The following UBE2D2 variants were observed in gnomAD, a reference collection of about 807,000 sequenced individuals.
The protein encoded by UBE2D2 is ubiquitin-conjugating enzyme E2 D2.
UBE2D2 carries 2 observed loss-of-function variants against 24.2 expected under a neutral mutation model. The observed-to-expected ratio is 0.08, with a 90% CI of 0.03 to 0.26. The LOEUF is 0.26. Among genes scored for constraint, UBE2D2 ranks in the 10% least tolerant of loss-of-function variants. UBE2D2 has a pLI of 1.00. For synonymous variants in UBE2D2, 58 were observed against 56.5 expected, an observed-to-expected ratio of 1.03 and a Z score of -0.12; for missense variants, 44 against 177.6, an observed-to-expected ratio of 0.25 and a Z score of 4.28.
At chr5:139,534,520 C>G (rs1046380252) in intron 1 of UBE2D2, among the ~76,000 whole-genome samples, 13 of 150,298 alleles carry the variant, frequency 8.6e-5, no homozygotes, top group South Asian at 2.1e-4. Context: ...GAGCCGAGAT[C>G]GCGCCACTGC....
intron 1 of UBE2D2, among the ~76,000 whole-genome samples, chr5:139,535,294 A>AG (rs1752654021): frequency 1.3e-5 from 2 of 150,986 alleles, no homozygotes; most frequent in Admixed American, 6.6e-5. Context: ...AAAATACAAA[A>AG]AAAAAAAAAA....
rs869189901 is a variant in UBE2D2 at position 139,577,404 on chromosome 5, CTTTTTTT to C, written c.24+15608_24+15614del. Among the ~76,000 whole-genome samples the C allele has an allele frequency of 8.5e-4, 59 of 69,142 alleles. No homozygotes were observed. In the South Asian group the frequency reaches 0.011, roughly 13 times the overall value. 45.4% of individuals were successfully genotyped at this position (69,142 alleles called of 152,430 possible). A position where few individuals can be genotyped will look rare whatever the true frequency, so the allele number is the denominator to read the frequency against. On this transcript the variant is annotated intron_variant, in intron 1 of 6. Transcript: ENST00000398733. ...AAACAGGATGCCAGTTAGCATCTCT[CTTTTTTT>C]TTTTTTTTTTTTTTTTTTGAGATGG... is the stretch of plus-strand genomic sequence containing the variant.
At chr5:139,579,263 T>G (rs963772476) in intron 1 of UBE2D2, among the ~76,000 whole-genome samples, 2 of 152,246 alleles carry the variant, frequency 1.3e-5, no homozygotes, top group African/African-American at 4.8e-5. Flanking sequence ...TTCTCCTGCC[T>G]CAGCATCTTG....
intron 5 of UBE2D2, among the ~76,000 whole-genome samples, chr5:139,615,265 A>G (rs1441112796): frequency 6.6e-6 from 1 of 152,190 alleles, no homozygotes; most frequent in East Asian, 1.9e-4. Context: ...CGGGCAGATC[A>G]CAAGGTCAGC....
chr5:139,544,791 C>G (rs28874999), intron 1 of UBE2D2, among the ~76,000 whole-genome samples: 1 of 143,398 alleles, frequency 7.0e-6, no homozygotes. Flanking sequence ...TTTTTTTTTT[C>G]TTTTTTTAGA....
At chr5:139,573,316 A>G (rs1753394627) in intron 1 of UBE2D2, among the ~76,000 whole-genome samples, 2 of 151,970 alleles carry the variant, frequency 1.3e-5, no homozygotes, top group African/African-American at 4.8e-5. Flanking sequence ...AAAAAAAGAA[A>G]AAAAAAAAAG....
rs75466345 is a variant in UBE2D2 at position 139,574,615 on chromosome 5, A to G, written c.24+12800A>G. Among the ~76,000 whole-genome samples, 126 of 151,974 alleles carry G rather than the reference A, an allele frequency of 8.3e-4. 1 individual carries two copies. The highest frequency in any genetic ancestry group is 5.6e-3 in the East Asian group (29 of 5,164). On this transcript the variant is annotated intron_variant, in intron 1 of 6. Coordinates refer to ENST00000398733, the MANE Select transcript of UBE2D2 (RefSeq NM_003339.3). ...TGTAGACATGATTGATTATTCCCCT[A>G]TTTAGACTGAACTCTCCTGGGCAAA...
At chr5:139,547,884 A>C (rs190506) in intron 1 of UBE2D2, among the ~76,000 whole-genome samples, 1 of 151,740 alleles carries the variant, frequency 6.6e-6, no homozygotes, top group African/African-American at 2.4e-5. Flanking sequence ...TAGTAAAGAC[A>C]GTGTTTCACC....
intron 1 of UBE2D2, among the ~76,000 whole-genome samples, chr5:139,588,740 G>A (rs929148364): frequency 2.6e-5 from 4 of 152,064 alleles, no homozygotes; most frequent in African/African-American, 7.2e-5. Context: ...CACACAGATC[G>A]TATTTTTAAA....
chr5:139,621,073 A>G (rs1009561963), intron 5 of UBE2D2, among the ~76,000 whole-genome samples: 27 of 152,134 alleles, frequency 1.8e-4, no homozygotes, highest in African/African-American at 6.5e-4. Flanking sequence ...GGCAAAACCC[A>G]ACCTCTACAA....
At chr5:139,539,778 T>G (rs941652839) in intron 1 of UBE2D2, among the ~76,000 whole-genome samples, 1 of 151,270 alleles carries the variant, frequency 6.6e-6, no homozygotes, top group Non-Finnish European at 1.5e-5. Flanking sequence ...TTTTAGTAGA[T>G]ATCGTGTTGG....
intron 1 of UBE2D2, among the ~76,000 whole-genome samples, chr5:139,550,564 C>G (rs112577996): frequency 1.1e-4 from 17 of 152,132 alleles, no homozygotes; most frequent in African/African-American, 3.6e-4. Context: ...CTCTTCCACG[C>G]TCACGCTATG....
intron 5 of UBE2D2, among the ~76,000 whole-genome samples, chr5:139,618,358 C>T (rs1754456842): frequency 6.6e-6 from 1 of 152,050 alleles, no homozygotes; most frequent in African/African-American, 2.4e-5. Context: ...AAACAGGATG[C>T]CAGAGAACCA....
At chr5:139,554,254 A>C (rs1752953986) in intron 1 of UBE2D2, among the ~76,000 whole-genome samples, 1 of 151,858 alleles carries the variant, frequency 6.6e-6, no homozygotes, top group Non-Finnish European at 1.5e-5. Context: ...GGCTGGCTTC[A>C]AACTCCTGGG....
At chr5:139,568,584 G>C (rs1013189774) in intron 1 of UBE2D2, among the ~76,000 whole-genome samples, 1 of 152,148 alleles carries the variant, frequency 6.6e-6, no homozygotes. Context: ...CGTGAACCGG[G>C]AGGCAGAGCT....
intron 1 of UBE2D2, among the ~76,000 whole-genome samples, chr5:139,572,462 G>T (rs1753369450): frequency 6.6e-6 from 1 of 151,974 alleles, no homozygotes; most frequent in East Asian, 1.9e-4. Flanking sequence ...TAGGTGCAGT[G>T]GCATGTGCCT....
chr5:139,552,563 CA>C (rs1248003594), intron 1 of UBE2D2, among the ~76,000 whole-genome samples: 2 of 142,154 alleles, frequency 1.4e-5, no homozygotes. Flanking sequence ...GGCTGGAGTG[CA>C]ATGGCGAGAT....
At chr5:139,546,835 TTCCTTC>T (rs1752836194) in intron 1 of UBE2D2, among the ~76,000 whole-genome samples, 1 of 133,640 alleles carries the variant, frequency 7.5e-6, no homozygotes, top group African/African-American at 2.9e-5. Flanking sequence ...CCTTCCTTCC[TTCCTTC>T]CTTCCTTCCT....
chr5:139,584,533 CT>C (rs10642044), intron 1 of UBE2D2, among the ~76,000 whole-genome samples: 146 of 132,962 alleles, frequency 1.1e-3, no homozygotes, highest in Admixed American at 1.4e-3. Context: ...CTTTTCTTTT[CT>C]TTTTTTTTTT....
Sources: gnomAD v4.1 joint callset for allele counts (sites outside exome capture counted in the v4.1 genomes callset) on GRCh38, gnomAD v4.1.1 for gene constraint, MANE v1.5 for transcripts, NCBI Gene and HGNC (gene_info 2026-07-23, HGNC 2026-07-21) for gene names.